TEX14: variants seen among roughly 807,000 people sequenced by gnomAD.
TEX14 encodes the protein testis expressed 14, intercellular bridge forming factor.
In TEX14, 168 loss-of-function variants were observed where a neutral mutation model predicts 178.6. The observed-to-expected ratio is 0.94, with a 90% CI of 0.83 to 1.07. TEX14 has a LOEUF of 1.07. Ranked by LOEUF, TEX14 falls within the 50% of genes least tolerant of loss-of-function variation. The pLI is 0.00. For missense variants in TEX14, 1,730 were observed against 1,753.6 expected (o/e 0.99, Z 0.24); for synonymous variants, 626 against 634.1 (o/e 0.99, Z 0.19).
At chr17:58,659,134 C>T (rs921236259) in intron 1 of TEX14, among the ~76,000 whole-genome samples, 1 of 150,934 alleles carries the variant, frequency 6.6e-6, no homozygotes, top group Non-Finnish European at 1.5e-5. Flanking sequence ...GTCTTTTAAA[C>T]TAGTTCAATC....
intron 1 of TEX14, among the ~76,000 whole-genome samples, chr17:58,673,743 T>A (rs2047342494): frequency 6.6e-6 from 1 of 151,832 alleles, no homozygotes; most frequent in African/African-American, 2.4e-5. Context: ...TTCAATCTTT[T>A]TTTTGTTTTT....
intron 1 of TEX14, among the ~76,000 whole-genome samples, chr17:58,674,408 G>A (rs1598434215): frequency 6.6e-6 from 1 of 151,944 alleles, no homozygotes; most frequent in African/African-American, 2.4e-5. Context: ...AGTGGCTCAC[G>A]CCTGTAATCC....
At position 58,577,374 on chromosome 17, in the gene TEX14, C is replaced by A; in HGVS notation, c.3320+1G>T. On this transcript the variant is annotated splice_donor_variant, in intron 21 of 31. Transcript: ENST00000349033. LOFTEE classifies it high-confidence loss of function. ...CTGCATAAGATAATAATAGCCCATA[C>A]CTTCGTACAGGTTGAAATTGAGACC... is the stretch of plus-strand genomic sequence containing the variant. 1.4e-6 allele frequency: 2 copies of A among 1,384,780 alleles called. No individual in the cohort carries two copies. The highest frequency in any genetic ancestry group is 1.4e-5 in the South Asian group (1 of 70,316). The allele number at this position is 1,384,780 out of a possible 1,614,324, so 85.8% of individuals were successfully genotyped here. A position where few individuals can be genotyped will look rare whatever the true frequency, so the allele number is the denominator to read the frequency against.
At chr17:58,669,768 C>T (rs1322602179) in intron 1 of TEX14, among the ~76,000 whole-genome samples, 1 of 148,266 alleles carries the variant, frequency 6.7e-6, no homozygotes, top group Non-Finnish European at 1.5e-5. Flanking sequence ...CCAGCAACAG[C>T]TTGAGACTTC....
intron 22 of TEX14, 98 bp downstream of exon 22, chr17:58,574,089 C>A (rs181870603): frequency 2.0e-6 from 2 of 983,732 alleles, no homozygotes; most frequent in Non-Finnish European, 3.2e-6. Context: ...TAAGTCTACA[C>A]GTAAAAATGG....
intron 21 of TEX14, among the ~76,000 whole-genome samples, chr17:58,576,121 C>T (rs1331500131): frequency 6.6e-6 from 1 of 152,194 alleles, no homozygotes; most frequent in South Asian, 2.1e-4. Flanking sequence ...GTGCCAGATA[C>T]GTTATAACAA....
chr17:58,585,653 A>G (rs981583081), intron 18 of TEX14, 148 bp downstream of exon 18: 1 of 277,382 alleles, frequency 3.6e-6, no homozygotes, highest in African/African-American at 3.0e-5. Flanking sequence ...ACCAGGTTTC[A>G]TCATGTTGAC....
At chr17:58,636,892 G>A (rs1293163048) in intron 2 of TEX14, among the ~76,000 whole-genome samples, 7 of 150,912 alleles carry the variant, frequency 4.6e-5, no homozygotes, top group African/African-American at 1.7e-4. Flanking sequence ...CAGCCTGGGC[G>A]ACAGAGTGAG....
intron 2 of TEX14, among the ~76,000 whole-genome samples, chr17:58,642,722 G>A (rs2046603706): frequency 1.3e-5 from 2 of 151,812 alleles, no homozygotes; most frequent in Non-Finnish European, 2.9e-5. Flanking sequence ...CTCTGGTCTG[G>A]GCCCTTCTAT....
rs138604091 is a variant in TEX14, at chr17:58,624,541, C to T, written c.252-1529G>A. ...ATTTTTAGTGGAGACAGGGTTTCAC[C>T]ATGTTGGCCAGGCTGGTCTCGAACT... On this transcript the variant is annotated intron_variant, in intron 3 of 31. Coordinates refer to ENST00000349033, the MANE Select transcript of TEX14 (RefSeq NM_031272.5). 5.7e-4 allele frequency among the ~76,000 whole-genome samples: 87 copies of T among 151,830 alleles called. 2 individuals are homozygous for T. In the Middle Eastern group the frequency reaches 0.017, roughly 30 times the overall value.
At chr17:58,587,756 A>T in intron 16 of TEX14, 90 bp from the exon 17 acceptor site, 1 of 1,173,566 alleles carries the variant, frequency 8.5e-7, no homozygotes, top group South Asian at 1.3e-5. Flanking sequence ...CCAAAAGCCC[A>T]CCAGCCCATC....
At chr17:58,618,570 T>C (rs1567738965) in intron 5 of TEX14, among the ~76,000 whole-genome samples, 1 of 152,204 alleles carries the variant, frequency 6.6e-6, no homozygotes, top group Admixed American at 6.5e-5. Flanking sequence ...TGCTTGCCAG[T>C]TGAGTACTTT....
At chr17:58,659,219 C>G (rs923730174) in intron 1 of TEX14, 2 of 240,420 alleles carry the variant, frequency 8.3e-6, no homozygotes, top group East Asian at 2.0e-4. Flanking sequence ...TCGGGGAAAT[C>G]GCGGGAGCAA....
At chr17:58,664,792 A>G (rs1181141766) in intron 1 of TEX14, among the ~76,000 whole-genome samples, 3 of 152,236 alleles carry the variant, frequency 2.0e-5, no homozygotes, top group African/African-American at 7.2e-5. Flanking sequence ...ATTATTATAT[A>G]TGACATTTTC....
At chr17:58,671,930 G>A (rs932727498) in intron 1 of TEX14, among the ~76,000 whole-genome samples, 4 of 152,006 alleles carry the variant, frequency 2.6e-5, no homozygotes, top group East Asian at 1.9e-4. Flanking sequence ...GCAGCACAGC[G>A]TATTTCCTCT....
At position 58,628,582 on chromosome 17, in the gene TEX14, C is replaced by T. The variant is rs750753873; in HGVS notation, c.251+1858G>A. On this transcript the variant is annotated intron_variant, in intron 3 of 31. Transcript: ENST00000349033. ...AAAACATTAGCTGGGTGTGGTGGCACGCGCTTGTAGTCCCAGCTACTAGGG... is the reference window on the plus strand; with the variant it reads ...AAAACATTAGCTGGGTGTGGTGGCATGCGCTTGTAGTCCCAGCTACTAGGG... Among the ~76,000 whole-genome samples the T allele has an allele frequency of 3.2e-4, 49 of 152,198 alleles. 1 individual carries two copies. Among genetic ancestry groups the T allele is most frequent in the Admixed American group, 8.5e-4 (13 of 15,280 alleles).
rs766872824 is a variant in TEX14, at chr17:58,569,302, C to T, written c.3818-42G>A. On this transcript the variant is annotated intron_variant, in intron 25 of 31. Coordinates refer to ENST00000349033, the MANE Select transcript of TEX14 (RefSeq NM_031272.5). The surrounding 1 kb of genome is among the most constrained non-coding windows in gnomAD (Gnocchi z 4.1). The stretch of plus-strand genomic sequence containing the variant: ...ACAAAAGGGAAAATGTCTTAACACC[C>T]TCCTGGACCTGAACTGAATTTTTCT... The T allele has an allele frequency of 1.3e-6, 2 of 1,527,874 alleles. No homozygotes were observed. Among genetic ancestry groups the T allele is most frequent in the Admixed American group, 3.4e-5 (2 of 59,248 alleles). 94.6% of individuals were successfully genotyped at this position (1,527,874 alleles called of 1,614,324 possible). A position where few individuals can be genotyped will look rare whatever the true frequency, so the allele number is the denominator to read the frequency against.
rs116389440 is a variant in TEX14 at position 58,653,744 on chromosome 17, T to A, written c.-1-1742A>T. Among the ~76,000 whole-genome samples the A allele has an allele frequency of 8.5e-3, 1,299 of 152,348 alleles. 19 individuals carry two copies. The highest frequency in any genetic ancestry group is 0.029 in the African/African-American group (1,212 of 41,582). On this transcript the variant is annotated intron_variant, in intron 1 of 31. Coordinates refer to ENST00000349033, the MANE Select transcript of TEX14 (RefSeq NM_031272.5). ...GGATTACAATTTAGCAGTGATCCTA[T>A]GAAAAGATGCCCCTTGTGGGCATTT... is the stretch of plus-strand genomic sequence containing the variant.
At chr17:58,633,546 A>C (rs888269464) in intron 2 of TEX14, among the ~76,000 whole-genome samples, 1 of 152,186 alleles carries the variant, frequency 6.6e-6, no homozygotes, top group Non-Finnish European at 1.5e-5. Flanking sequence ...GAGGTAAGCT[A>C]GGGCTGGGGA....
Sources: allele counts gnomAD v4.1 joint callset (sites outside exome capture counted in the v4.1 genomes callset), GRCh38; gene constraint gnomAD v4.1.1; non-coding constraint Gnocchi (gnomAD v3.1); transcripts MANE v1.5; gene names NCBI Gene and HGNC (gene_info 2026-07-23, HGNC 2026-07-21).